Variants in QTMAN observed in about 807,000 individuals in gnomAD.
QTMAN encodes the protein queuosine-tRNA mannosyltransferase, also known as tRNA-queuosine alpha-mannosyltransferase.
chr2:144,142,987 G>A, the QTMAN span, among the ~76,000 whole-genome samples: 3 of 151,838 alleles, frequency 2.0e-5, no homozygotes, highest in South Asian at 2.1e-4. Context: ...ATTCTCTCAC[G>A]ATGCTAGGCA....
chr2:143,972,689 A>G, the QTMAN span, among the ~76,000 whole-genome samples: 2 of 152,290 alleles, frequency 1.3e-5, no homozygotes, highest in South Asian at 4.1e-4. Context: ...GTTACTTTGC[A>G]TAAGAACACA....
At chr2:144,176,105 C>A in the QTMAN span, among the ~76,000 whole-genome samples, 1 of 152,044 alleles carries the variant, frequency 6.6e-6, no homozygotes, top group South Asian at 2.1e-4. Context: ...ATGCCAAAAT[C>A]TTAAATAAAT....
the QTMAN span, among the ~76,000 whole-genome samples, chr2:144,072,573 G>T: frequency 6.6e-6 from 1 of 152,128 alleles, no homozygotes; most frequent in Admixed American, 6.5e-5. Context: ...TCTAAGTCAG[G>T]CAGGGCAGCA....
the QTMAN span, among the ~76,000 whole-genome samples, chr2:144,082,735 C>T: frequency 3.9e-5 from 6 of 152,130 alleles, no homozygotes; most frequent in African/African-American, 1.4e-4. Context: ...AAGGAAGTGG[C>T]AGAGTAGGGA....
chr2:144,050,130 G>T, the QTMAN span, among the ~76,000 whole-genome samples: 1 of 152,216 alleles, frequency 6.6e-6, no homozygotes, highest in Non-Finnish European at 1.5e-5. Context: ...CAAAGGCTTT[G>T]TATTTCTTCC....
the QTMAN span, among the ~76,000 whole-genome samples, chr2:144,148,743 C>T: frequency 2.6e-5 from 4 of 151,786 alleles, no homozygotes; most frequent in East Asian, 1.9e-4. Context: ...CCAAAGAAAA[C>T]CTCCCAAATA....
chr2:144,173,219 C>T, the QTMAN span, among the ~76,000 whole-genome samples: 1 of 152,068 alleles, frequency 6.6e-6, no homozygotes, highest in Non-Finnish European at 1.5e-5. Flanking sequence ...AAAAAGAAAC[C>T]CTAAGGTAGC....
chr2:144,250,835 T>C, the QTMAN span, among the ~76,000 whole-genome samples: 1 of 151,986 alleles, frequency 6.6e-6, no homozygotes, highest in African/African-American at 2.4e-5. Flanking sequence ...CAAATGTGCT[T>C]ATTAGACACT....
chr2:144,157,612 G>C, the QTMAN span, among the ~76,000 whole-genome samples: 1 of 151,988 alleles, frequency 6.6e-6, no homozygotes, highest in Admixed American at 6.6e-5. Flanking sequence ...ATTAAAAGAT[G>C]AGCAGAATGT....
chr2:144,308,139 A>C, the QTMAN span, among the ~76,000 whole-genome samples: 1 of 151,938 alleles, frequency 6.6e-6, no homozygotes, highest in South Asian at 2.1e-4. Context: ...CCCAGGAAAA[A>C]ACCCACACAT....
At chr2:144,173,668 C>T in the QTMAN span, among the ~76,000 whole-genome samples, 1 of 152,110 alleles carries the variant, frequency 6.6e-6, no homozygotes, top group South Asian at 2.1e-4. Context: ...GAGCAATGGG[C>T]ATGATTTCCT....
At chr2:143,947,184 G>A in the QTMAN span, 1 of 1,322,026 alleles carries the variant, frequency 7.6e-7, no homozygotes, top group South Asian at 1.2e-5. Context: ...GAGCATTAAT[G>A]ACTAAAAGAT....
At chr2:144,155,902 T>TA in the QTMAN span, among the ~76,000 whole-genome samples, 1 of 147,728 alleles carries the variant, frequency 6.8e-6, no homozygotes. Context: ...CTGACAACCA[T>TA]GAAAAAAAAA....
chr2:143,972,390 C>G, the QTMAN span, among the ~76,000 whole-genome samples: 1 of 151,512 alleles, frequency 6.6e-6, no homozygotes, highest in Admixed American at 6.6e-5. Flanking sequence ...TTTTGAGTTC[C>G]AAAATTTTGG....
At chr2:144,077,614 A>G in the QTMAN span, among the ~76,000 whole-genome samples, 1 of 152,224 alleles carries the variant, frequency 6.6e-6, no homozygotes, top group African/African-American at 2.4e-5. Context: ...TGTATTAACT[A>G]AAAAATTAAT....
chr2:144,113,783 T>C, the QTMAN span, among the ~76,000 whole-genome samples: 1 of 152,236 alleles, frequency 6.6e-6, no homozygotes, highest in Admixed American at 6.5e-5. Flanking sequence ...TTTGCCTTTT[T>C]CATTGCCTTA....
chr2:144,017,070 T>C, the QTMAN span, among the ~76,000 whole-genome samples: 1 of 151,942 alleles, frequency 6.6e-6, no homozygotes, highest in Non-Finnish European at 1.5e-5. Flanking sequence ...AGTGGCACGA[T>C]CCCAGCTCAC....
At chr2:144,262,680 G>A in the QTMAN span, among the ~76,000 whole-genome samples, 4 of 78,504 alleles carry the variant, frequency 5.1e-5, no homozygotes, top group Non-Finnish European at 7.4e-5. Flanking sequence ...TGGGAGGAGA[G>A]GTGAGAGGGG....
chr2:144,032,330 G>C, the QTMAN span, among the ~76,000 whole-genome samples: 2 of 152,184 alleles, frequency 1.3e-5, no homozygotes, highest in African/African-American at 2.4e-5. Context: ...AGTGCCAAAT[G>C]AACTTGAAGA....
Sources: allele counts gnomAD v4.1 joint callset (sites outside exome capture counted in the v4.1 genomes callset), GRCh38; gene constraint gnomAD v4.1.1; transcripts MANE v1.5; gene names NCBI Gene and HGNC (gene_info 2026-07-23, HGNC 2026-07-21).